ANKRD30A: variants seen among roughly 807,000 people sequenced by gnomAD.
ANKRD30A encodes the protein ankyrin repeat domain 30A.
Under a neutral mutation model 166.3 loss-of-function variants are expected in ANKRD30A, and 170 were observed. The ratio of observed to expected loss-of-function variants is 1.02; its 90% confidence interval spans 0.90 to 1.16. The LOEUF (loss-of-function observed/expected upper bound fraction) is 1.16, where lower values mean the gene tolerates loss of function less well. ANKRD30A is among the 50% of genes most tolerant of loss of function. ANKRD30A has a pLI of 0.00. For missense variants in ANKRD30A, 1,630 were observed against 1,518.0 expected (o/e 1.07, Z -1.23); for synonymous variants, 564 against 508.9 (o/e 1.11, Z -1.46).
the ANKRD30A span, among the ~76,000 whole-genome samples, chr10:37,257,343 A>G: frequency 2.0e-5 from 3 of 151,184 alleles, no homozygotes; most frequent in Admixed American, 6.6e-5. Context: ...TTCAAAAAAA[A>G]AAACAGCTCC....
intron 25 of ANKRD30A, 69 bp from the exon 26 acceptor site, chr10:37,192,995 G>C: frequency 6.6e-7 from 1 of 1,512,526 alleles, no homozygotes. Flanking sequence ...CATGTTGACA[G>C]TGCGTGAATG....
At chr10:37,178,992 C>G (rs1419076599) in intron 24 of ANKRD30A, among the ~76,000 whole-genome samples, 2 of 137,078 alleles carry the variant, frequency 1.5e-5, no homozygotes, top group African/African-American at 5.4e-5. Flanking sequence ...CATTAATTTT[C>G]TTTATTACTA....
intron 13 of ANKRD30A, 58 bp from the exon 14 acceptor site, chr10:37,158,334 T>G: frequency 6.4e-7 from 1 of 1,564,796 alleles, no homozygotes; most frequent in Non-Finnish European, 8.8e-7. Context: ...TGTGTGAATG[T>G]TCGGTAGGCT....
Position 37,130,245 on chromosome 10 carries a change from T to C in ANKRD30A, c.377T>C (p.Ile126Thr), listed in dbSNP as rs989230515. 6.2e-7 allele frequency: 1 copy of C among 1,602,338 alleles called. No individual in the cohort carries two copies. Among genetic ancestry groups the C allele is most frequent in the Non-Finnish European group, 8.5e-7 (1 of 1,174,824 alleles). ...CHQEACANIL[I>T]DSGADINLVD... ...CAGGAGGCTTGTGCAAATATTCTGA[T>C]AGATTCTGGTGCCGATATAAATCTC... is the stretch of plus-strand genomic sequence containing the variant. The change falls in exon 3 of 36, where the codon ATA (isoleucine) becomes ACA (threonine). Residue 126 changes from isoleucine (I) to threonine (T), a missense_variant. Physicochemically the swap from Ile to Thr is moderately conservative, Grantham distance 89 (BLOSUM62 -1). Coordinates refer to ENST00000361713, the MANE Select transcript of ANKRD30A (RefSeq NM_052997.3).
chr10:37,194,231 T>G (rs1840862016), intron 27 of ANKRD30A, among the ~76,000 whole-genome samples: 1 of 152,066 alleles, frequency 6.6e-6, no homozygotes, highest in African/African-American at 2.4e-5. Flanking sequence ...ACAACATATG[T>G]GTGGTTATAG....
chr10:37,153,851 A>G (rs17606179), intron 13 of ANKRD30A, among the ~76,000 whole-genome samples, 189 bp downstream of exon 13: 1 of 152,160 alleles, frequency 6.6e-6, no homozygotes, highest in African/African-American at 2.4e-5. Flanking sequence ...GAGTGCTGAA[A>G]AGGAGCTGAA....
At chr10:37,165,705 T>C (rs1259811746) in intron 18 of ANKRD30A, among the ~76,000 whole-genome samples, 2 of 152,110 alleles carry the variant, frequency 1.3e-5, no homozygotes, top group African/African-American at 4.8e-5. Flanking sequence ...AACAAGAGTA[T>C]TGGTTGAGTA....
chr10:37,155,677 T>C (rs1339042657), intron 13 of ANKRD30A, among the ~76,000 whole-genome samples: 4 of 152,234 alleles, frequency 2.6e-5, no homozygotes, highest in East Asian at 1.9e-4. Context: ...CATATACATA[T>C]TGGTATTAAC....
At chr10:37,226,077 C>A (rs1843134946) in intron 34 of ANKRD30A, among the ~76,000 whole-genome samples, 1 of 151,204 alleles carries the variant, frequency 6.6e-6, no homozygotes, top group South Asian at 2.1e-4. Context: ...TGGATTCTTT[C>A]ACTTAGCATA....
chr10:37,240,687 T>C, the ANKRD30A span, among the ~76,000 whole-genome samples: 2 of 152,152 alleles, frequency 1.3e-5, no homozygotes, highest in African/African-American at 2.4e-5. Flanking sequence ...CTATCTGACA[T>C]ATGTTTTTGT....
At chr10:37,161,976 C>G (rs1324394360) in intron 15 of ANKRD30A, among the ~76,000 whole-genome samples, 2 of 152,078 alleles carry the variant, frequency 1.3e-5, no homozygotes, top group Admixed American at 1.3e-4. Flanking sequence ...TTTAATTCAT[C>G]TATTGCAATA....
downstream of ANKRD30A, among the ~76,000 whole-genome samples, chr10:37,237,380 A>T (rs1206602358): frequency 6.6e-6 from 1 of 152,216 alleles, no homozygotes; most frequent in Non-Finnish European, 1.5e-5. Flanking sequence ...CAACCATATT[A>T]TATAAAACAG....
chr10:37,233,400 T>C (rs1838766414), downstream of ANKRD30A, among the ~76,000 whole-genome samples: 1 of 152,162 alleles, frequency 6.6e-6, no homozygotes, highest in African/African-American at 2.4e-5. Context: ...AATTTTCTTA[T>C]CTGTTTTTTT....
At chr10:37,240,549 A>G in the ANKRD30A span, among the ~76,000 whole-genome samples, 1 of 152,266 alleles carries the variant, frequency 6.6e-6, no homozygotes, top group African/African-American at 2.4e-5. Flanking sequence ...GTTGTTGTCA[A>G]ATTATTCAGC....
At chr10:37,190,298 C>T (rs866381826) in intron 25 of ANKRD30A, among the ~76,000 whole-genome samples, 1 of 151,758 alleles carries the variant, frequency 6.6e-6, no homozygotes, top group Non-Finnish European at 1.5e-5. Context: ...GGTCCTTGGA[C>T]GTTGCTCTGG....
intron 31 of ANKRD30A, among the ~76,000 whole-genome samples, chr10:37,211,142 AT>A (rs1191898223): frequency 2.0e-5 from 3 of 150,846 alleles, no homozygotes; most frequent in East Asian, 2.0e-4. Flanking sequence ...TTTATCTAGA[AT>A]TTTTTTTATT....
chr10:37,141,182 T>C (rs1480076444), intron 6 of ANKRD30A, among the ~76,000 whole-genome samples: 1 of 152,188 alleles, frequency 6.6e-6, no homozygotes, highest in Non-Finnish European at 1.5e-5. Flanking sequence ...AGAACCCCTT[T>C]GGAAGCTTAT....
intron 32 of ANKRD30A, 138 bp downstream of exon 32, chr10:37,216,532 T>A: frequency 1.3e-6 from 1 of 745,174 alleles, no homozygotes; most frequent in Non-Finnish European, 2.1e-6. Flanking sequence ...TCAAATTCTT[T>A]AAATAATACA....
chr10:37,249,902 T>G, the ANKRD30A span, among the ~76,000 whole-genome samples: 2 of 152,206 alleles, frequency 1.3e-5, no homozygotes, highest in African/African-American at 4.8e-5. Context: ...CAAATGTGTC[T>G]TTTAAGGTGA....
Sources: gnomAD v4.1 joint callset for allele counts (sites outside exome capture counted in the v4.1 genomes callset) on GRCh38, gnomAD v4.1.1 for gene constraint, MANE v1.5 for transcripts, NCBI Gene and HGNC (gene_info 2026-07-23, HGNC 2026-07-21) for gene names.